Variants in PTPN12 observed in about 807,000 individuals in gnomAD.
PTPN12 encodes the protein tyrosine-protein phosphatase non-receptor type 12.
A neutral mutation model predicts 97.6 loss-of-function variants in PTPN12; 29 were observed. The observed-to-expected ratio is 0.30, with a 90% CI of 0.22 to 0.41. The LOEUF (loss-of-function observed/expected upper bound fraction) is 0.41, where lower values mean the gene tolerates loss of function less well. Among genes scored for constraint, PTPN12 ranks in the 10% least tolerant of loss-of-function variants. PTPN12 has a pLI of 1.00. For synonymous variants in PTPN12, 327 were observed against 300.4 expected (o/e 1.09, Z -0.91); for missense variants, 819 against 926.0 (o/e 0.88, Z 1.50).
chr7:77,551,187 A>G (rs1330020198), intron 1 of PTPN12, among the ~76,000 whole-genome samples: 1 of 152,074 alleles, frequency 6.6e-6, no homozygotes, highest in African/African-American at 2.4e-5. Context: ...CAGCCTCCCA[A>G]GTAGCTGGGA....
chr7:77,627,213 G>C lies in PTPN12; in HGVS notation c.1534G>C (p.Glu512Gln), dbSNP rs1789225220. ...QSNKVSVTPP[E>Q]ESQNSDTPPR... ...AAACAAAGTTTCAGTTACTCCACCA[G>C]AAGAATCCCAGAATTCAGACACACC... Residue 512 changes from glutamate (E) to glutamine (Q), a missense_variant, in exon 13 of 18, where the codon GAA becomes CAA. By Grantham distance (29) the Glu-to-Gln change is conservative. This residue lies in a region of PTPN12 where 607 missense variants were observed against 577.3 expected (regional missense o/e 1.05). Coordinates refer to ENST00000248594, the MANE Select transcript of PTPN12 (RefSeq NM_002835.4). 6.2e-7 allele frequency: 1 copy of C among 1,614,098 alleles called. No homozygotes were observed. The highest frequency in any genetic ancestry group is 8.5e-7 in the Non-Finnish European group (1 of 1,180,006).
chr7:77,542,319 C>T (rs988402514), intron 1 of PTPN12, among the ~76,000 whole-genome samples: 1 of 152,198 alleles, frequency 6.6e-6, no homozygotes, highest in Non-Finnish European at 1.5e-5. Flanking sequence ...CTCCAGCCTG[C>T]TCCTTGAGTT....
At chr7:77,609,703 A>G (rs967620416) in intron 9 of PTPN12, among the ~76,000 whole-genome samples, 5 of 149,594 alleles carry the variant, frequency 3.3e-5, no homozygotes, top group Non-Finnish European at 7.4e-5. Flanking sequence ...ACACGGTGAA[A>G]CCCTGTCTCT....
At chr7:77,555,624 C>T (rs770543211) in intron 1 of PTPN12, among the ~76,000 whole-genome samples, 4 of 152,050 alleles carry the variant, frequency 2.6e-5, no homozygotes, top group South Asian at 2.1e-4. Flanking sequence ...AAATCTCTAG[C>T]GTTTCTTAGG....
chr7:77,559,606 G>A (rs1209120853), intron 1 of PTPN12, among the ~76,000 whole-genome samples: 1 of 152,184 alleles, frequency 6.6e-6, no homozygotes, highest in Non-Finnish European at 1.5e-5. Flanking sequence ...ACCTTCATAT[G>A]TCAATAGGAT....
At position 77,597,768 on chromosome 7, in the gene PTPN12, A is replaced by C. The variant is rs375092382; in HGVS notation, c.493-74A>C. On this transcript the variant is annotated intron_variant, in intron 6 of 17. Transcript: ENST00000248594. ...ATTTTATATTGTGGACTTTGATACA[A>C]GTATTTTATTTGTTTTGATGTGTCT... is the stretch of plus-strand genomic sequence containing the variant. 1.9e-5 allele frequency: 29 copies of C among 1,502,380 alleles called. No homozygotes were observed. In the African/African-American group the frequency reaches 3.4e-4, roughly 18 times the overall value. The allele number at this position is 1,502,380 out of a possible 1,614,324, so 93.1% of individuals were successfully genotyped here.
intron 14 of PTPN12, among the ~76,000 whole-genome samples, chr7:77,633,270 T>TAA (rs11448612): frequency 2.0e-4 from 30 of 148,884 alleles, no homozygotes; most frequent in African/African-American, 5.7e-4. Context: ...AACTCCATCT[T>TAA]AAAAAAAAAA....
At chr7:77,546,691 C>T (rs1438499679) in intron 1 of PTPN12, among the ~76,000 whole-genome samples, 2 of 152,258 alleles carry the variant, frequency 1.3e-5, no homozygotes, top group African/African-American at 4.8e-5. Flanking sequence ...TGAAGAACTG[C>T]CCGAGACTGG....
chr7:77,577,426 TATG>T (rs1323973624), intron 2 of PTPN12, among the ~76,000 whole-genome samples: 2 of 152,152 alleles, frequency 1.3e-5, no homozygotes, highest in Non-Finnish European at 2.9e-5. Flanking sequence ...TTGAACCTAT[TATG>T]CTACCTATAA....
intron 8 of PTPN12, among the ~76,000 whole-genome samples, chr7:77,606,606 C>T (rs886816073): frequency 6.6e-6 from 1 of 152,214 alleles, no homozygotes; most frequent in Non-Finnish European, 1.5e-5. Flanking sequence ...ATAGGCCTTC[C>T]TTATTCAAGA....
chr7:77,558,975 C>G lies in PTPN12; in HGVS notation c.100-12103C>G, dbSNP rs544536886. Among the ~76,000 whole-genome samples, 138 of 152,316 alleles carry G rather than the reference C, an allele frequency of 9.1e-4. 1 individual carries two copies. The highest frequency in any genetic ancestry group is 3.2e-3 in the African/African-American group (135 of 41,554). The stretch of plus-strand genomic sequence containing the variant: ...GTTGCAGTGAGCCTTAATCATGCCA[C>G]TGCACTCCAGCATGGGTAGCAGAAC... On this transcript the variant is annotated intron_variant, in intron 1 of 17. Coordinates refer to ENST00000248594, the MANE Select transcript of PTPN12 (RefSeq NM_002835.4).
chr7:77,601,063 T>C (rs1788173723), intron 8 of PTPN12: 3 of 340,596 alleles, frequency 8.8e-6, no homozygotes, highest in Non-Finnish European at 1.6e-5. Flanking sequence ...CTCTTTTTAC[T>C]GTTCACTGAT....
intron 11 of PTPN12, 73 bp downstream of exon 11, chr7:77,611,119 T>C: frequency 8.6e-7 from 1 of 1,160,836 alleles, no homozygotes; most frequent in South Asian, 1.3e-5. Context: ...GCCTTTTTTT[T>C]GTTGTCTTGT....
chr7:77,604,820 TG>T, intron 8 of PTPN12: 1 of 390,854 alleles, frequency 2.6e-6, no homozygotes, highest in South Asian at 2.0e-5. Context: ...TTTATCCACC[TG>T]GATTTTTTAT....
chr7:77,552,762 T>C (rs942267297), intron 1 of PTPN12, among the ~76,000 whole-genome samples: 7 of 152,230 alleles, frequency 4.6e-5, no homozygotes, highest in South Asian at 2.1e-4. Context: ...TCCAATGATA[T>C]GGTTTACAAC....
intron 12 of PTPN12, among the ~76,000 whole-genome samples, chr7:77,619,025 T>C (rs1156911865): frequency 6.6e-6 from 1 of 152,192 alleles, no homozygotes; most frequent in African/African-American, 2.4e-5. Context: ...TTCATATCTT[T>C]CTTTTCCTTC....
At chr7:77,613,167 GTTTTT>G (rs576216122) in intron 11 of PTPN12, among the ~76,000 whole-genome samples, 1 of 88,534 alleles carries the variant, frequency 1.1e-5, no homozygotes, top group African/African-American at 5.0e-5. Flanking sequence ...TAATTTTTGG[GTTTTT>G]TTTTTTTTTT....
intron 1 of PTPN12, among the ~76,000 whole-genome samples, chr7:77,551,269 C>T (rs546997634): frequency 3.1e-4 from 47 of 152,232 alleles, no homozygotes; most frequent in African/African-American, 1.1e-3. Context: ...CCATGTTGTC[C>T]AGGCTGGTCT....
chr7:77,621,605 G>T (rs1788941331), intron 12 of PTPN12, among the ~76,000 whole-genome samples: 1 of 151,954 alleles, frequency 6.6e-6, no homozygotes, highest in Non-Finnish European at 1.5e-5. Context: ...GGAAGTGGAG[G>T]TTGCAGTGAG....
Sources: gnomAD v4.1 joint callset for allele counts (sites outside exome capture counted in the v4.1 genomes callset) on GRCh38, gnomAD v4.1.1 for gene constraint, gnomAD v4.1.1 regional missense constraint, MANE v1.5 for transcripts, NCBI Gene and HGNC (gene_info 2026-07-23, HGNC 2026-07-21) for gene names.